Variants in BLOC1S3 observed in about 807,000 individuals in gnomAD.
BLOC1S3 encodes biogenesis of lysosome-related organelles complex 1 subunit 3.
A neutral mutation model predicts 9.1 loss-of-function variants in BLOC1S3; 7 were observed. The observed-to-expected ratio is 0.77, with a 90% CI of 0.44 to 1.45. The LOEUF is 1.45. Ranked by LOEUF, BLOC1S3 falls within the 40% of genes most tolerant of loss-of-function variation. BLOC1S3 has a pLI of 0.01. For missense variants in BLOC1S3, 307 were observed against 315.2 expected, an observed-to-expected ratio of 0.97 and a Z score of 0.20; for synonymous variants, 145 against 158.4, an observed-to-expected ratio of 0.92 and a Z score of 0.64.
chr19:45,202,218 A>C (rs1969696809), intron 2 of BLOC1S3, among the ~76,000 whole-genome samples: 1 of 127,282 alleles, frequency 7.9e-6, no homozygotes, highest in African/African-American at 3.9e-5. Context: ...TCTAAAAAAA[A>C]AAAAAAAAAA....
At position 45,181,742 on chromosome 19, in the gene BLOC1S3, A is replaced by G. The variant is rs1969524565; in HGVS notation, c.*1837A>G. On this transcript the variant is annotated 3_prime_UTR_variant, in exon 2 of 2. Coordinates refer to ENST00000433642, the MANE Select transcript of BLOC1S3 (RefSeq NM_212550.5). Reference sequence around the variant, plus strand: ...ACCCGAAGCCAAGATCTGAGCCCCCAAGATGGAGAATGGGGAGGAGCTTTT... The same window carrying G: ...ACCCGAAGCCAAGATCTGAGCCCCCGAGATGGAGAATGGGGAGGAGCTTTT... 6.0e-6 allele frequency: 1 copy of G among 167,056 alleles called. No homozygotes were observed. Among genetic ancestry groups the G allele is most frequent in the Admixed American group, 6.6e-5 (1 of 15,260 alleles). The allele number at this position is 167,056 out of a possible 1,614,324, so 10.3% of individuals were successfully genotyped here.
chr19:45,200,961 G>A (rs1346021581), intron 2 of BLOC1S3, among the ~76,000 whole-genome samples: 1 of 152,152 alleles, frequency 6.6e-6, no homozygotes, highest in African/African-American at 2.4e-5. Context: ...CAGCACATTG[G>A]GCAGCCTAGG....
At chr19:45,197,436 G>A (rs892518853) in intron 2 of BLOC1S3, among the ~76,000 whole-genome samples, 3 of 146,034 alleles carry the variant, frequency 2.1e-5, no homozygotes. Flanking sequence ...GCAGTAAGCT[G>A]AGATTGTGCC....
chr19:45,190,356 T>TTCTC (rs35662974), intron 2 of BLOC1S3, among the ~76,000 whole-genome samples: 49 of 147,912 alleles, frequency 3.3e-4, no homozygotes, highest in Admixed American at 2.0e-3. Flanking sequence ...AGACCCCTCC[T>TTCTC]TCTCTCTCTC....
At chr19:45,186,577 C>T (rs1193030351), downstream of BLOC1S3, among the ~76,000 whole-genome samples, 1 of 152,112 alleles carries the variant, frequency 6.6e-6, no homozygotes, top group East Asian at 1.9e-4. Context: ...TGGTGGCACG[C>T]ACCTGTAATC....
At chr19:45,200,477 C>T (rs1315823794) in intron 2 of BLOC1S3, among the ~76,000 whole-genome samples, 1 of 152,130 alleles carries the variant, frequency 6.6e-6, no homozygotes, top group Non-Finnish European at 1.5e-5. Flanking sequence ...ACACCGTGCC[C>T]AGCCCCTTTC....
chr19:45,202,204 T>C (rs1599755147), intron 2 of BLOC1S3, among the ~76,000 whole-genome samples: 3 of 89,550 alleles, frequency 3.4e-5, no homozygotes, highest in South Asian at 9.5e-4. Flanking sequence ...AGAGTGAGAC[T>C]CCATCTAAAA....
intron 2 of BLOC1S3, among the ~76,000 whole-genome samples, chr19:45,193,190 C>T (rs954645433): frequency 1.4e-5 from 2 of 146,212 alleles, no homozygotes; most frequent in African/African-American, 2.5e-5. Context: ...CGTTCAGTGG[C>T]TCTTTCAGTG....
chr19:45,207,669 G>GAGTCAC (rs1969738265), intron 3 of BLOC1S3, among the ~76,000 whole-genome samples: 2 of 151,394 alleles, frequency 1.3e-5, no homozygotes, highest in South Asian at 4.2e-4. Flanking sequence ...CCCAGGAGGT[G>GAGTCAC]GAGGTTGCAG....
intron 2 of BLOC1S3, among the ~76,000 whole-genome samples, chr19:45,188,160 T>C (rs1599750422): frequency 6.6e-6 from 1 of 152,078 alleles, no homozygotes; most frequent in African/African-American, 2.4e-5. Flanking sequence ...GTAGCTGGGA[T>C]TACAAGTGTA....
Position 45,203,561 on chromosome 19 carries a change from C to T in BLOC1S3, n.282+1054C>T, listed in dbSNP as rs181915206. On this transcript the variant is annotated intron_variant and non_coding_transcript_variant, in intron 3 of 3. Transcript: ENST00000591569. Reference sequence around the variant, plus strand: ...TGCTGGGATTACAGGCATGAGCCACCGCGCCCAGCCTCAAGTTGATTTAGG... The same window carrying T: ...TGCTGGGATTACAGGCATGAGCCACTGCGCCCAGCCTCAAGTTGATTTAGG... Among the ~76,000 whole-genome samples the T allele has an allele frequency of 2.8e-4, 43 of 152,246 alleles. 1 individual carries two copies. In the East Asian group the frequency reaches 7.0e-3, roughly 25 times the overall value.
At chr19:45,193,619 G>A (rs189532733) in intron 2 of BLOC1S3, among the ~76,000 whole-genome samples, 1 of 151,416 alleles carries the variant, frequency 6.6e-6, no homozygotes, top group East Asian at 2.0e-4. Context: ...TTGGACTTTT[G>A]GAGTATTATA....
chr19:45,199,891 G>GA (rs1481950285), intron 2 of BLOC1S3, among the ~76,000 whole-genome samples: 1 of 151,974 alleles, frequency 6.6e-6, no homozygotes. Flanking sequence ...TCAGCCTCCT[G>GA]AGTAGCTGGG....
chr19:45,215,990 C>T (rs1423064327), intron 3 of BLOC1S3: 2 of 1,555,718 alleles, frequency 1.3e-6, no homozygotes, highest in East Asian at 2.3e-5. Flanking sequence ...CCTCAGGAGG[C>T]AGGAAGCACA....
chr19:45,207,568 A>C (rs1401105200), intron 3 of BLOC1S3, among the ~76,000 whole-genome samples: 45 of 147,748 alleles, frequency 3.0e-4, no homozygotes, highest in African/African-American at 6.5e-4. Flanking sequence ...AAAAAAAAAA[A>C]AAAAAAAAAA....
Position 45,179,396 on chromosome 19 carries a change from T to G in BLOC1S3, c.100T>G (p.Ser34Ala), listed in dbSNP as rs547568045. The change falls in exon 2 of 2, where the codon TCG (serine) becomes GCG (alanine). Residue 34 changes from serine to alanine, a missense_variant. By Grantham distance (99) the Ser-to-Ala change is moderately conservative. Transcript: ENST00000433642. This position sits in a 1 kb window ranked among gnomAD's most constrained non-coding sequence, Gnocchi z 4.6. ...GGATTCCGAGCGCTCTGCGTCCTCG[T>G]CGGAGGAGGAGGAGCTGTACCTGGG... ...ETDSERSASS[S>A]EEEELYLGPS... is the part of the protein sequence containing the mutation. 208 of 1,575,448 alleles carry G rather than the reference T, an allele frequency of 1.3e-4. No individual in the cohort carries two copies. Among genetic ancestry groups the G allele is most frequent in the South Asian group, 1.9e-4 (17 of 87,948 alleles).
At chr19:45,209,253 T>C (rs950556721) in intron 3 of BLOC1S3, among the ~76,000 whole-genome samples, 1 of 151,902 alleles carries the variant, frequency 6.6e-6, no homozygotes, top group Non-Finnish European at 1.5e-5. Flanking sequence ...TTCACCATGT[T>C]GGCCAGGCTG....
At chr19:45,193,434 C>A (rs771524807) in intron 2 of BLOC1S3, among the ~76,000 whole-genome samples, 3 of 151,974 alleles carry the variant, frequency 2.0e-5, no homozygotes, top group Non-Finnish European at 4.4e-5. Flanking sequence ...TATTCTTTGT[C>A]TATGGTTTCC....
intron 3 of BLOC1S3, among the ~76,000 whole-genome samples, chr19:45,211,051 C>T (rs111926177): frequency 0.098 from 14,928 of 152,208 alleles, 781 homozygotes; most frequent in South Asian, 0.14. Flanking sequence ...GTAGAGGCTG[C>T]AGTGAGCTAT....
Sources: allele counts gnomAD v4.1 joint callset (sites outside exome capture counted in the v4.1 genomes callset), GRCh38; gene constraint gnomAD v4.1.1; non-coding constraint Gnocchi (gnomAD v3.1); transcripts MANE v1.5; gene names NCBI Gene and HGNC (gene_info 2026-07-23, HGNC 2026-07-21).